The following ZMYND19 variants were observed in gnomAD, a reference collection of about 807,000 sequenced individuals.
ZMYND19 encodes zinc finger MYND-type containing 19.
In ZMYND19, 17 loss-of-function variants were observed where a neutral mutation model predicts 32.0. That is an observed-to-expected ratio of 0.53 (90% confidence interval 0.36 to 0.80). ZMYND19 has a LOEUF of 0.80. ZMYND19 is among the 30% of genes least tolerant of loss of function. The pLI, the probability that ZMYND19 is intolerant of heterozygous loss-of-function variation, is 0.00. For synonymous variants in ZMYND19, 124 were observed against 113.6 expected (o/e 1.09, Z -0.58); for missense variants, 250 against 293.6 (o/e 0.85, Z 1.09).
Position 137,583,923 on chromosome 9 carries a change from T to C in ZMYND19, c.360-760A>G, listed in dbSNP as rs532547473. ...ACACAGTGCCAGGAAAGCAAAGCAA[T>C]AGCCCAGGCCTGACAAAGACAGGGT... On this transcript the variant is annotated intron_variant, in intron 4 of 5. Transcript: ENST00000298585. Among the ~76,000 whole-genome samples the C allele has an allele frequency of 6.6e-5, 10 of 152,194 alleles. 1 individual carries two copies. The South Asian group carries it at 1.9e-3, about 28-fold the overall frequency.
intron 4 of ZMYND19, among the ~76,000 whole-genome samples, chr9:137,584,398 T>G (rs1295626393): frequency 6.6e-6 from 1 of 152,218 alleles, no homozygotes; most frequent in Non-Finnish European, 1.5e-5. Flanking sequence ...CAACACCCCC[T>G]TTCCAAACGG....
chr9:137,588,779 C>T, intron 1 of ZMYND19, 61 bp from the exon 2 acceptor site: 1 of 1,594,976 alleles, frequency 6.3e-7, no homozygotes, highest in Non-Finnish European at 8.6e-7. Context: ...GTGCAGTAAC[C>T]TTATAACCAG....
Position 137,582,694 on chromosome 9 carries a change from A to G in ZMYND19, c.541-8T>C, listed in dbSNP as rs1033474239. ...GATGTTGAACTCCCGGAGCTGAAAT[A>G]CAGAACACCTGTGGCTTCACCATCA... On this transcript the variant is annotated splice_polypyrimidine_tract_variant and splice_region_variant and intron_variant, in intron 5 of 5. Coordinates refer to ENST00000298585, the MANE Select transcript of ZMYND19 (RefSeq NM_138462.3). 1 of 1,612,152 alleles carries G rather than the reference A, an allele frequency of 6.2e-7. No homozygotes were observed. Among genetic ancestry groups the G allele is most frequent in the Non-Finnish European group, 8.5e-7 (1 of 1,179,736 alleles).
At position 137,588,682 on chromosome 9, in the gene ZMYND19, G is replaced by A; in HGVS notation, c.88C>T (p.Leu30=). The stretch of plus-strand genomic sequence containing the variant: ...ACCTCAAAGGAGTAGCTCTCCACCA[G>A]CGGGATGTCCTGCTCATCGATCAGC... The part of the protein sequence containing the change: ...YTLIDEQDIP[L]VESYSFEARM... The change falls in exon 2 of 6, where the codon CTG becomes TTG. Residue 30 remains leucine, a synonymous_variant. Coordinates refer to ENST00000298585, the MANE Select transcript of ZMYND19 (RefSeq NM_138462.3). The A allele has an allele frequency of 5.6e-6, 9 of 1,614,212 alleles. No individual in the cohort carries two copies. Among genetic ancestry groups the A allele is most frequent in the East Asian group, 2.2e-5 (1 of 44,890 alleles).
rs138074350 is a variant in ZMYND19, at chr9:137,587,778, C to T, written c.157G>A (p.Ala53Thr). Residue 53 changes from alanine (A) to threonine (T), a missense_variant, in exon 3 of 6, where the codon GCC becomes ACC. Coordinates refer to ENST00000298585, the MANE Select transcript of ZMYND19 (RefSeq NM_138462.3). ...CCTCGGTTCTTGTCAAAGGCATAGG[C>T]AAATATCTTAGCACCATTTCCATCT... ...DADGNGAKIF[A>T]YAFDKNRGRG... 3 of 1,614,064 alleles carry T rather than the reference C, an allele frequency of 1.9e-6. No individual in the cohort carries two copies. Among genetic ancestry groups the T allele is most frequent in the Non-Finnish European group, 1.7e-6 (2 of 1,180,038 alleles).
intron 1 of ZMYND19, chr9:137,589,701 G>T (rs1477532913): frequency 1.0e-6 from 1 of 985,352 alleles, no homozygotes; most frequent in Non-Finnish European, 1.2e-6. Context: ...GCCAACCCCT[G>T]GCAGCGTTAA....
At chr9:137,588,043 AAAC>A (rs1399292203) in intron 2 of ZMYND19, among the ~76,000 whole-genome samples, 1 of 152,224 alleles carries the variant, frequency 6.6e-6, no homozygotes, top group East Asian at 1.9e-4. Flanking sequence ...AAACACTCAC[AAAC>A]AACTCTGCAA....
intron 4 of ZMYND19, among the ~76,000 whole-genome samples, chr9:137,584,841 G>A (rs1842186372): frequency 6.6e-6 from 1 of 152,206 alleles, no homozygotes; most frequent in Non-Finnish European, 1.5e-5. Context: ...TCCCAGAGAG[G>A]AGCCGGGAGT....
rs781779591 is a variant in ZMYND19 at position 137,582,475 on chromosome 9, A to G, written c.*68T>C. On this transcript the variant is annotated 3_prime_UTR_variant, in exon 6 of 6. Coordinates refer to ENST00000298585, the MANE Select transcript of ZMYND19 (RefSeq NM_138462.3). ...TTTTTTGGCACCTCCAGGTTCAACC[A>G]CCAGTCTGTCTCTGCTGTGCCCAGG... The G allele has an allele frequency of 7.8e-6, 12 of 1,547,100 alleles. No homozygotes were observed. The highest frequency in any genetic ancestry group is 1.0e-5 in the Non-Finnish European group (12 of 1,147,146).
chr9:137,588,914 A>G (rs1264815925), intron 1 of ZMYND19, 196 bp from the exon 2 acceptor site: 5 of 578,816 alleles, frequency 8.6e-6, no homozygotes, highest in South Asian at 2.1e-5. Flanking sequence ...CTACGACAAA[A>G]CACAGGCAGA....
rs1447377151 is a variant in ZMYND19, at chr9:137,590,267, C to T, written c.-4G>A. 9.1e-7 allele frequency: 1 copy of T among 1,099,424 alleles called. No individual in the cohort carries two copies. The highest frequency in any genetic ancestry group is 1.7e-5 in the African/African-American group (1 of 58,880). The allele number at this position is 1,099,424 out of a possible 1,614,324, so 68.1% of individuals were successfully genotyped here. A position where few individuals can be genotyped will look rare whatever the true frequency, so the allele number is the denominator to read the frequency against. On this transcript the variant is annotated 5_prime_UTR_variant, in exon 1 of 6. Transcript: ENST00000298585. This position sits in a 1 kb window ranked among gnomAD's most constrained non-coding sequence, Gnocchi z 4.2. ...TACCCAATTTGAAGTCGGTCATGGC[C>T]GGGCCTGCGCTCTCGGCCGGCAGCG...
At position 137,588,671 on chromosome 9, in the gene ZMYND19, G is replaced by A. The variant is rs1410105991; in HGVS notation, c.99C>T (p.Ser33=). The part of the protein sequence containing the change: ...IDEQDIPLVE[S]YSFEARMEVD... ...CATCCTTACTTACCTCAAAGGAGTAGCTCTCCACCAGCGGGATGTCCTGCT... is the reference window on the plus strand; with the variant it reads ...CATCCTTACTTACCTCAAAGGAGTAACTCTCCACCAGCGGGATGTCCTGCT... The change falls in exon 2 of 6, where the codon AGC becomes AGT. Residue 33 remains serine (S), a synonymous_variant. Transcript: ENST00000298585. 6.2e-7 allele frequency: 1 copy of A among 1,614,204 alleles called. No homozygotes were observed. The highest frequency in any genetic ancestry group is 1.1e-5 in the South Asian group (1 of 91,090).
At chr9:137,585,830 G>A (rs766874265) in intron 4 of ZMYND19, among the ~76,000 whole-genome samples, 8 of 152,230 alleles carry the variant, frequency 5.3e-5, no homozygotes, top group South Asian at 2.1e-4. Flanking sequence ...CACCAAGCCC[G>A]AAACACTAAA....
chr9:137,582,280 A>C lies in ZMYND19; in HGVS notation c.*263T>G. 2.8e-6 allele frequency: 1 copy of C among 362,334 alleles called. No homozygotes were observed. The highest frequency in any genetic ancestry group is 4.5e-5 in the East Asian group (1 of 22,320). 22.4% of individuals were successfully genotyped at this position (362,334 alleles called of 1,614,324 possible). ...CTTCCCATTGCCTCCCCCCCAAAAA[A>C]AACTGTACATGAGTTTACAAACATA... On this transcript the variant is annotated 3_prime_UTR_variant, in exon 6 of 6. Coordinates refer to ENST00000298585, the MANE Select transcript of ZMYND19 (RefSeq NM_138462.3).
rs781007791 is a variant in ZMYND19 at position 137,587,840 on chromosome 9, G to T, written c.112-17C>A. 2.4e-5 allele frequency: 39 copies of T among 1,611,388 alleles called. No homozygotes were observed. In the South Asian group the frequency reaches 4.2e-4, roughly 17 times the overall value. On this transcript the variant is annotated splice_polypyrimidine_tract_variant and intron_variant, in intron 2 of 5. Transcript: ENST00000298585. ...CATTCGGGCCTGAGAAGGAACAAGG[G>T]AAAGAGCTGTTAAAAAACCTCCAAT...
At chr9:137,587,446 C>G in intron 3 of ZMYND19, 3 of 593,046 alleles carry the variant, frequency 5.1e-6, no homozygotes, top group South Asian at 4.1e-5. Context: ...CGGGGGGGCT[C>G]GGCAAAACCC....
chr9:137,586,902 G>C, intron 4 of ZMYND19, 65 bp downstream of exon 4: 1 of 1,599,628 alleles, frequency 6.3e-7, no homozygotes, highest in Non-Finnish European at 8.5e-7. Context: ...GGAAACAAGA[G>C]CTTTGGCGGT....
In ZMYND19 at chr9:137,582,506, G is replaced by A; in HGVS notation, c.*37C>T. The A allele has an allele frequency of 6.2e-7, 1 of 1,602,176 alleles. No homozygotes were observed. The highest frequency in any genetic ancestry group is 8.5e-7 in the Non-Finnish European group (1 of 1,175,260). On this transcript the variant is annotated 3_prime_UTR_variant, in exon 6 of 6. Transcript: ENST00000298585. The stretch of plus-strand genomic sequence containing the variant: ...CTGTCTCTGCTGTGCCCAGGGTAGA[G>A]CCCGGGGGCTGTGAGTATGTGTGGC...
intron 4 of ZMYND19, among the ~76,000 whole-genome samples, chr9:137,585,309 G>C (rs1012655204): frequency 6.6e-6 from 1 of 151,620 alleles, no homozygotes; most frequent in African/African-American, 2.4e-5. Flanking sequence ...TGTAACCCCA[G>C]CTACTAGGAA....
Sources: gnomAD v4.1 joint callset for allele counts (sites outside exome capture counted in the v4.1 genomes callset) on GRCh38, gnomAD v4.1.1 for gene constraint, Gnocchi (gnomAD v3.1) non-coding constraint, MANE v1.5 for transcripts, NCBI Gene and HGNC (gene_info 2026-07-23, HGNC 2026-07-21) for gene names.